ATE1: variants seen among roughly 807,000 people sequenced by gnomAD.
The protein encoded by ATE1 is arginyl-tRNA--protein transferase 1.
Under a neutral mutation model 70.5 loss-of-function variants are expected in ATE1, and 36 were observed. The observed-to-expected ratio is 0.51, with a 90% CI of 0.39 to 0.67. ATE1 has a LOEUF of 0.67. Among genes scored for constraint, ATE1 ranks in the 30% least tolerant of loss-of-function variants. The pLI is 0.00. For synonymous variants in ATE1, 232 were observed against 219.3 expected (o/e 1.06, Z -0.51); for missense variants, 593 against 629.5 (o/e 0.94, Z 0.62).
At chr10:121,859,242 ATTATTTTATT>A (rs1171002471) in intron 8 of ATE1, among the ~76,000 whole-genome samples, 1 of 151,386 alleles carries the variant, frequency 6.6e-6, no homozygotes, top group African/African-American at 2.4e-5. Context: ...AAGAAAAGTT[ATTATTTTATT>A]TTATTTTATT....
chr10:121,750,680 T>C (rs533467796), intron 11 of ATE1, among the ~76,000 whole-genome samples: 1 of 152,352 alleles, frequency 6.6e-6, no homozygotes, highest in African/African-American at 2.4e-5. Context: ...TTATAACTTC[T>C]AGGCTTTCCA....
chr10:121,785,021 A>G (rs1280082657), intron 11 of ATE1, among the ~76,000 whole-genome samples: 4 of 152,114 alleles, frequency 2.6e-5, no homozygotes, highest in Non-Finnish European at 5.9e-5. Context: ...TCTTGTTTCA[A>G]TGGTTTCCTT....
At chr10:121,858,883 G>A (rs1350693333) in intron 8 of ATE1, among the ~76,000 whole-genome samples, 1 of 151,778 alleles carries the variant, frequency 6.6e-6, no homozygotes, top group Non-Finnish European at 1.5e-5. Context: ...ATCATCTGAG[G>A]TCGGGAGTTC....
chr10:121,913,975 T>C (rs957253148), intron 3 of ATE1, 82 bp from the exon 4 acceptor site: 8 of 1,016,974 alleles, frequency 7.9e-6, no homozygotes, highest in African/African-American at 3.2e-5. Context: ...CCTAGTACAA[T>C]GAGACCATCT....
At chr10:121,805,617 A>C (rs891515015) in intron 10 of ATE1, among the ~76,000 whole-genome samples, 1 of 152,242 alleles carries the variant, frequency 6.6e-6, no homozygotes, top group Non-Finnish European at 1.5e-5. Flanking sequence ...TAAAATGTTT[A>C]AATTGTATAA....
At chr10:121,838,366 A>T (rs1243220599) in intron 9 of ATE1, among the ~76,000 whole-genome samples, 1 of 98,240 alleles carries the variant, frequency 1.0e-5, no homozygotes, top group African/African-American at 2.6e-5. Flanking sequence ...CCTTCTCACC[A>T]ACTCCACCTG....
intron 11 of ATE1, among the ~76,000 whole-genome samples, chr10:121,773,453 T>G (rs530785440): frequency 7.8e-4 from 119 of 152,296 alleles, no homozygotes; most frequent in African/African-American, 2.0e-3. Context: ...CTTGGGACTC[T>G]CTCCTGTGTC....
chr10:121,866,907 T>C (rs376316566), intron 8 of ATE1, among the ~76,000 whole-genome samples: 1 of 151,186 alleles, frequency 6.6e-6, no homozygotes, highest in Non-Finnish European at 1.5e-5. Context: ...TAGTGTACTC[T>C]AGGTACACTC....
chr10:121,837,640 A>G (rs557813675), intron 9 of ATE1, among the ~76,000 whole-genome samples: 4 of 152,300 alleles, frequency 2.6e-5, no homozygotes, highest in African/African-American at 9.6e-5. Context: ...AAAGAAATGT[A>G]TTTGTAATGC....
chr10:121,898,894 T>C, intron 7 of ATE1: 1 of 1,613,976 alleles, frequency 6.2e-7, no homozygotes, highest in Non-Finnish European at 8.5e-7. Flanking sequence ...ACTTGATACT[T>C]GACATACAAA....
chr10:121,859,654 T>C (rs1299297843), intron 8 of ATE1, among the ~76,000 whole-genome samples: 1 of 152,064 alleles, frequency 6.6e-6, no homozygotes, highest in Admixed American at 6.6e-5. Context: ...TAAGACTTGA[T>C]TTTTAGGCCA....
intron 8 of ATE1, among the ~76,000 whole-genome samples, chr10:121,856,617 G>C (rs1342534866): frequency 2.0e-5 from 3 of 152,160 alleles, no homozygotes; most frequent in African/African-American, 7.2e-5. Flanking sequence ...TCACAATAAG[G>C]CAAATCACAT....
At chr10:121,831,576 A>G (rs1343261120) in intron 10 of ATE1, among the ~76,000 whole-genome samples, 1 of 152,120 alleles carries the variant, frequency 6.6e-6, no homozygotes, top group African/African-American at 2.4e-5. Context: ...GATTCCTTCA[A>G]CCTAGTAACA....
chr10:121,870,957 A>G (rs942459233), intron 7 of ATE1, among the ~76,000 whole-genome samples: 3 of 152,212 alleles, frequency 2.0e-5, no homozygotes, highest in Admixed American at 1.3e-4. Context: ...ATTAACTACA[A>G]TAAAATACAA....
intron 8 of ATE1, among the ~76,000 whole-genome samples, chr10:121,848,427 G>A (rs1369629943): frequency 1.3e-5 from 2 of 151,972 alleles, no homozygotes; most frequent in Non-Finnish European, 1.5e-5. Context: ...GACCAGCCTA[G>A]CCAACATGGC....
At chr10:121,745,766 C>T (rs1235747469) in intron 11 of ATE1, among the ~76,000 whole-genome samples, 3 of 152,048 alleles carry the variant, frequency 2.0e-5, no homozygotes, top group Non-Finnish European at 4.4e-5. Flanking sequence ...TAGAGAAACA[C>T]CCATACAAGT....
At chr10:121,928,440 C>G (rs1218826751), upstream of ATE1, 7 of 1,517,936 alleles carry the variant, frequency 4.6e-6, no homozygotes, top group Non-Finnish European at 6.2e-6. Context: ...ATGGCCGCCG[C>G]GAGGGTCCGC....
intron 11 of ATE1, among the ~76,000 whole-genome samples, chr10:121,753,462 C>A (rs1417106233): frequency 6.6e-6 from 1 of 152,004 alleles, no homozygotes; most frequent in African/African-American, 2.4e-5. Context: ...ATGATTCTAG[C>A]CAGAAAGAAC....
chr10:121,883,429 G>A (rs915335089), intron 7 of ATE1, among the ~76,000 whole-genome samples: 10 of 152,104 alleles, frequency 6.6e-5, no homozygotes, highest in African/African-American at 2.4e-4. Flanking sequence ...GCTAATACTA[G>A]ACAAACTAAC....
Sources: allele counts gnomAD v4.1 joint callset (sites outside exome capture counted in the v4.1 genomes callset), GRCh38; gene constraint gnomAD v4.1.1; transcripts MANE v1.5; gene names NCBI Gene and HGNC (gene_info 2026-07-23, HGNC 2026-07-21).